Variants in PCNT observed in about 807,000 individuals in gnomAD.
PCNT encodes kendrin.
PCNT carries 319 observed loss-of-function variants against 380.4 expected under a neutral mutation model. That is an observed-to-expected ratio of 0.84 (90% CI 0.77 to 0.92). The LOEUF (loss-of-function observed/expected upper bound fraction) is 0.92. Ranked by LOEUF, PCNT falls within the 40% of genes least tolerant of loss-of-function variation. The pLI is 0.00. For missense variants in PCNT, 4,400 were observed against 4,255.3 expected, an observed-to-expected ratio of 1.03 and a Z score of -0.95; for synonymous variants, 1,845 against 1,735.2, an observed-to-expected ratio of 1.06 and a Z score of -1.57.
rs577916730 is a variant in PCNT at position 46,353,003 on chromosome 21, C to T, written c.1457-101C>T. 23 of 950,726 alleles carry T rather than the reference C, an allele frequency of 2.4e-5. No homozygotes were observed. In the South Asian group the frequency reaches 2.5e-4, roughly 10 times the overall value. The allele number at this position is 950,726 out of a possible 1,614,324, so 58.9% of individuals were successfully genotyped here. On this transcript the variant is annotated intron_variant, in intron 9 of 46. Transcript: ENST00000359568. ...TCCGGTTCTGGGATGGGCCCTTTTC[C>T]GAGTTCTGCCCCCACCACAGGTAAC...
rs528999705 is a variant in PCNT at position 46,445,552 on chromosome 21, G to A, written c.*225G>A. ...CGTATGTTTTAGGCCCATGACCTTC[G>A]TGAGGTGACGGGCACTCACTCCCAT... On this transcript the variant is annotated 3_prime_UTR_variant, in exon 47 of 47. Transcript: ENST00000359568. The A allele has an allele frequency of 5.7e-5, 33 of 578,736 alleles. No homozygotes were observed. The highest frequency in any genetic ancestry group is 4.3e-4 in the African/African-American group (23 of 53,526). The allele number at this position is 578,736 out of a possible 1,614,324, so 35.9% of individuals were successfully genotyped here. A position where few individuals can be genotyped will look rare whatever the true frequency, so the allele number is the denominator to read the frequency against.
chr21:46,383,661 C>T lies in PCNT; in HGVS notation c.3312+1821C>T, dbSNP rs187249713. On this transcript the variant is annotated intron_variant, in intron 16 of 46. Transcript: ENST00000359568. ...ATTCACGGTGTTGTGCATTCAGTGG[C>T]GGAAGCGCATTCACAGTGTTGTGTA... is the stretch of plus-strand genomic sequence containing the variant. Among the ~76,000 whole-genome samples the T allele has an allele frequency of 1.2e-4, 18 of 146,332 alleles. 3 individuals are homozygous for T. In the East Asian group the frequency reaches 3.8e-3, roughly 31 times the overall value.
intron 3 of PCNT, among the ~76,000 whole-genome samples, chr21:46,342,977 T>C (rs1209096909): frequency 6.6e-6 from 1 of 152,170 alleles, no homozygotes; most frequent in Non-Finnish European, 1.5e-5. Flanking sequence ...TTGGTCACTT[T>C]TGGGGTATAG....
intron 29 of PCNT, among the ~76,000 whole-genome samples, chr21:46,414,600 GCTC>G (rs1217693872): frequency 1.5e-4 from 7 of 47,724 alleles, no homozygotes; most frequent in African/African-American, 1.9e-4. Context: ...CGCCCACCCT[GCTC>G]CTCCTCCTCC....
chr21:46,438,402 C>A, intron 41 of PCNT, 65 bp downstream of exon 41: 1 of 1,482,092 alleles, frequency 6.7e-7, no homozygotes, highest in East Asian at 2.3e-5. Flanking sequence ...AGCAGCTCCA[C>A]CCCACAAGAG....
Position 46,388,420 on chromosome 21 carries a change from T to G in PCNT, c.3465-322T>G, listed in dbSNP as rs2085916006. Reference sequence around the variant, plus strand: ...AGCCTGTGTGCTGCTCCCGGGTGATTGACGCTGTGCGGCCACATCGCACAC... The same window carrying G: ...AGCCTGTGTGCTGCTCCCGGGTGATGGACGCTGTGCGGCCACATCGCACAC... On this transcript the variant is annotated intron_variant, in intron 17 of 46. Transcript: ENST00000359568. The surrounding 1 kb of genome is among the most constrained non-coding windows in gnomAD (Gnocchi z 4.2). Among the ~76,000 whole-genome samples, 1 of 152,170 alleles carries G rather than the reference T, an allele frequency of 6.6e-6. No homozygotes were observed. The highest frequency in any genetic ancestry group is 2.4e-5 in the African/African-American group (1 of 41,442).
At chr21:46,358,688 G>C (rs969610569) in intron 13 of PCNT, among the ~76,000 whole-genome samples, 1 of 150,560 alleles carries the variant, frequency 6.6e-6, no homozygotes, top group Non-Finnish European at 1.5e-5. Flanking sequence ...GTAGTGGCGC[G>C]ATCTCAGCTC....
At chr21:46,341,317 T>C (rs1313277254) in intron 3 of PCNT, among the ~76,000 whole-genome samples, 1 of 152,040 alleles carries the variant, frequency 6.6e-6, no homozygotes, top group Non-Finnish European at 1.5e-5. Flanking sequence ...ATGTCCGTTA[T>C]TCCGCTTGGA....
rs749792560 is a variant in PCNT at position 46,326,418 on chromosome 21, G to T, written c.96G>T (p.Ser32=). 1.1e-5 allele frequency: 17 copies of T among 1,614,176 alleles called. No homozygotes were observed. In the South Asian group the frequency reaches 1.1e-4, roughly 10 times the overall value. ...AGAGAAAAACAAAAGGTGACAGTTC[G>T]CATTCGGAGAAAAAGACGGCGAAGA... ...FRQRKTKGDS[S]HSEKKTAKRK... Residue 32 remains serine, a synonymous_variant, in exon 2 of 47, where the codon TCG becomes TCT. Transcript: ENST00000359568.
chr21:46,360,852 C>T (rs1249916656), intron 13 of PCNT, among the ~76,000 whole-genome samples: 4 of 152,160 alleles, frequency 2.6e-5, no homozygotes, highest in African/African-American at 9.7e-5. Context: ...CTGATAATCT[C>T]TGCCTTTCAG....
chr21:46,401,661 T>C lies in PCNT; in HGVS notation c.4902T>C (p.Pro1634=), dbSNP rs1333197239. The change falls in exon 26 of 47, where the codon CCT becomes CCC. Residue 1634 remains proline (P), a synonymous_variant. Coordinates refer to ENST00000359568, the MANE Select transcript of PCNT (RefSeq NM_006031.6). ...CCGAGCCTCCTTCGGGCAGCCCTCC[T>C]GAGGGTCCAGAAATACAGTTAGAGG... The part of the protein sequence containing the change: ...RCPEPPSGSP[P]EGPEIQLEVT... 9 of 1,613,844 alleles carry C rather than the reference T, an allele frequency of 5.6e-6. No individual in the cohort carries two copies. The highest frequency in any genetic ancestry group is 7.6e-6 in the Non-Finnish European group (9 of 1,180,000).
chr21:46,379,533 T>C (rs2085443646), intron 15 of PCNT, among the ~76,000 whole-genome samples: 1 of 152,176 alleles, frequency 6.6e-6, no homozygotes, highest in Non-Finnish European at 1.5e-5. Context: ...GGGAGGTTTT[T>C]GGCCGTCGTG....
At chr21:46,412,805 A>G in intron 28 of PCNT, 32 bp from the exon 29 acceptor site, 1 of 1,606,950 alleles carries the variant, frequency 6.2e-7, no homozygotes, top group Non-Finnish European at 8.5e-7. Flanking sequence ...AGCCTCCTGC[A>G]TGCTCAGCTT....
chr21:46,414,495 C>T (rs1004201098), intron 29 of PCNT, among the ~76,000 whole-genome samples: 15 of 145,948 alleles, frequency 1.0e-4, no homozygotes, highest in Non-Finnish European at 2.1e-4. Flanking sequence ...CTCTCCTCTT[C>T]CTCCTCCTTC....
chr21:46,346,232 GC>G (rs1569176772), intron 4 of PCNT, 24 bp downstream of exon 4: 1 of 1,588,084 alleles, frequency 6.3e-7, no homozygotes, highest in East Asian at 2.2e-5. Context: ...GCCTGCACAG[GC>G]TCACAGCATG....
chr21:46,393,501 C>G (rs962127798), intron 21 of PCNT, among the ~76,000 whole-genome samples: 1 of 152,106 alleles, frequency 6.6e-6, no homozygotes, highest in African/African-American at 2.4e-5. Context: ...TGCCCCATTT[C>G]CAGTGTCTTC....
rs901735558 is a variant in PCNT at position 46,353,948 on chromosome 21, G to T, written c.1680-39G>T. 13 of 1,532,376 alleles carry T rather than the reference G, an allele frequency of 8.5e-6. No homozygotes were observed. The African/African-American group carries it at 1.5e-4, about 18-fold the overall frequency. The allele number at this position is 1,532,376 out of a possible 1,614,324, so 94.9% of individuals were successfully genotyped here. A position where few individuals can be genotyped will look rare whatever the true frequency, so the allele number is the denominator to read the frequency against. ...GGAATGGCGCACACATGGAAAAGGG[G>T]TACGTGTGTAAAGCTTTTATAAAAT... On this transcript the variant is annotated intron_variant, in intron 10 of 46. Coordinates refer to ENST00000359568, the MANE Select transcript of PCNT (RefSeq NM_006031.6).
rs767710005 is a variant in PCNT at position 46,346,165 on chromosome 21, T to C, written c.677T>C (p.Leu226Pro). The change falls in exon 4 of 47, where the codon CTG becomes CCG. Residue 226 changes from leucine to proline, a missense_variant. Physicochemically the swap from Leu to Pro is moderately conservative, Grantham distance 98. Coordinates refer to ENST00000359568, the MANE Select transcript of PCNT (RefSeq NM_006031.6). ...EQECELAITD[L>P]ESGREDEAGL... ...GAATGTGAACTTGCCATTACTGACC[T>C]GGAGAGCGGCCGTGAAGATGAGGCT... 2 of 1,613,606 alleles carry C rather than the reference T, an allele frequency of 1.2e-6. No homozygotes were observed. The highest frequency in any genetic ancestry group is 1.7e-5 in the Admixed American group (1 of 59,936).
In PCNT at chr21:46,363,899, A is replaced by G. The variant is rs1357674867; in HGVS notation, c.2574A>G (p.Glu858=). 6.2e-7 allele frequency: 1 copy of G among 1,611,226 alleles called. No individual in the cohort carries two copies. The highest frequency in any genetic ancestry group is 1.1e-5 in the South Asian group (1 of 91,062). ...AGCTTGCTGCGCTCCACGTGAAGGA[A>G]GACTGCGCCCTGCAGCTGATGCTGG... ...DGELAALHVK[E]DCALQLMLAR... is the part of the protein sequence containing the mutation. Residue 858 remains glutamate (E), a synonymous_variant, in exon 14 of 47, where the codon GAA becomes GAG. Transcript: ENST00000359568.
Sources: allele counts gnomAD v4.1 joint callset (sites outside exome capture counted in the v4.1 genomes callset), GRCh38; gene constraint gnomAD v4.1.1; non-coding constraint Gnocchi (gnomAD v3.1); transcripts MANE v1.5; gene names NCBI Gene and HGNC (gene_info 2026-07-23, HGNC 2026-07-21).